The following ATP8B1 variants were observed in gnomAD, a reference collection of about 807,000 sequenced individuals.
The protein encoded by ATP8B1 is ATPase phospholipid transporting 8B1, also known as phospholipid-transporting ATPase IC.
A neutral mutation model predicts 149.9 loss-of-function variants in ATP8B1; 80 were observed. The observed-to-expected ratio is 0.53, with a 90% CI of 0.45 to 0.64. The LOEUF is 0.64. Ranked by LOEUF, ATP8B1 falls within the 30% of genes least tolerant of loss-of-function variation. ATP8B1 has a pLI of 0.00. For synonymous variants in ATP8B1, 536 were observed against 562.8 expected, an observed-to-expected ratio of 0.95 and a Z score of 0.67; for missense variants, 1,247 against 1,552.6, an observed-to-expected ratio of 0.80 and a Z score of 3.31.
At chr18:57,783,842 A>T (rs552204600) in intron 1 of ATP8B1, among the ~76,000 whole-genome samples, 24 of 152,240 alleles carry the variant, frequency 1.6e-4, no homozygotes, top group African/African-American at 5.5e-4. Flanking sequence ...CTTAAAAAAA[A>T]AATAAAAATA....
intron 8 of ATP8B1, among the ~76,000 whole-genome samples, chr18:57,696,658 A>C (rs1203415878): frequency 6.6e-6 from 1 of 151,910 alleles, no homozygotes; most frequent in Admixed American, 6.6e-5. Flanking sequence ...AAAGCAGTGT[A>C]TGCACATCTG....
At position 57,655,313 on chromosome 18, in the gene ATP8B1, C is replaced by T; in HGVS notation, c.2812G>A (p.Val938Met). 1 of 1,614,138 alleles carries T rather than the reference C, an allele frequency of 6.2e-7. No individual in the cohort carries two copies. The highest frequency in any genetic ancestry group is 1.1e-5 in the South Asian group (1 of 91,082). ...QFRYLQRLLL[V>M]HGRWSYIRMC... ...CTTATGTAAGACCATCGGCCATGCA[C>T]CAGCAGTAGCCTCTGCAGATATCGG... is the stretch of plus-strand genomic sequence containing the variant. The change falls in exon 23 of 28, where the codon GTG (valine) becomes ATG (methionine). Residue 938 changes from valine (V) to methionine (M), a missense_variant. Physicochemically the swap from Val to Met is conservative, Grantham distance 21. This residue lies in a region of ATP8B1 where 230 missense variants were observed against 356.6 expected (regional missense o/e 0.65). Transcript: ENST00000648908.
chr18:57,734,897 C>T (rs2079831171), intron 1 of ATP8B1, among the ~76,000 whole-genome samples: 1 of 152,194 alleles, frequency 6.6e-6, no homozygotes, highest in South Asian at 2.1e-4. Context: ...ACTGCATCCA[C>T]CTTTAAACAG....
intron 15 of ATP8B1, among the ~76,000 whole-genome samples, chr18:57,683,645 T>C (rs1040756810): frequency 6.6e-6 from 1 of 152,174 alleles, no homozygotes; most frequent in African/African-American, 2.4e-5. Context: ...GTAGAAAAGA[T>C]TAGTCAAGTT....
At chr18:57,717,017 G>A (rs116766392) in intron 2 of ATP8B1, among the ~76,000 whole-genome samples, 2,216 of 152,078 alleles carry the variant, frequency 0.015, 50 homozygotes, top group African/African-American at 0.049. Flanking sequence ...ATAATAAGAG[G>A]AATTTTGGAA....
chr18:57,753,936 AAAAAAAAAAAAAG>A (rs2080049332), intron 1 of ATP8B1, among the ~76,000 whole-genome samples: 1 of 67,176 alleles, frequency 1.5e-5, no homozygotes, highest in African/African-American at 6.7e-5. Context: ...TGTCTCAAAA[AAAAAAAAAAAAAG>A]AAAGAAAGAA....
chr18:57,649,190 A>ATATTTATCTATCTATC (rs1909428262), intron 27 of ATP8B1, among the ~76,000 whole-genome samples: 1 of 148,096 alleles, frequency 6.8e-6, no homozygotes, highest in Non-Finnish European at 1.5e-5. Context: ...GTGCTTGGCT[A>ATATTTATCTATCTATC]TATCTATCTA....
At chr18:57,729,061 T>C (rs927643024) in intron 2 of ATP8B1, among the ~76,000 whole-genome samples, 1 of 151,882 alleles carries the variant, frequency 6.6e-6, no homozygotes, top group Admixed American at 6.6e-5. Flanking sequence ...AGGGTAGAAA[T>C]CTACAAAACA....
chr18:57,680,324 C>T (rs554114203), intron 15 of ATP8B1, among the ~76,000 whole-genome samples: 1 of 129,048 alleles, frequency 7.7e-6, no homozygotes, highest in Non-Finnish European at 1.7e-5. Flanking sequence ...GTGGCTCACA[C>T]CTGTAATCCC....
At chr18:57,712,643 A>C (rs1162032950) in intron 2 of ATP8B1, among the ~76,000 whole-genome samples, 1 of 152,030 alleles carries the variant, frequency 6.6e-6, no homozygotes, top group Non-Finnish European at 1.5e-5. Context: ...TTGACTTAGC[A>C]GGCACATGAC....
chr18:57,713,553 C>T (rs573977490), intron 2 of ATP8B1, among the ~76,000 whole-genome samples: 1 of 149,544 alleles, frequency 6.7e-6, no homozygotes, highest in South Asian at 2.1e-4. Flanking sequence ...TGCAGTGGTG[C>T]GATCTCAGCT....
intron 15 of ATP8B1, among the ~76,000 whole-genome samples, chr18:57,681,472 C>G (rs1029654798): frequency 2.0e-5 from 3 of 152,152 alleles, no homozygotes; most frequent in African/African-American, 7.2e-5. Flanking sequence ...TTTTCAGTAG[C>G]TGAGTTACAC....
chr18:57,728,372 G>C (rs1235328345), intron 2 of ATP8B1, among the ~76,000 whole-genome samples: 1 of 152,136 alleles, frequency 6.6e-6, no homozygotes, highest in African/African-American at 2.4e-5. Flanking sequence ...ATTAAAAAAA[G>C]AAAGAGAAGT....
intron 22 of ATP8B1, among the ~76,000 whole-genome samples, chr18:57,659,315 A>C (rs889911531): frequency 6.6e-6 from 1 of 152,140 alleles, no homozygotes; most frequent in African/African-American, 2.4e-5. Flanking sequence ...GCTTAATAAA[A>C]ATTTTAAGAC....
rs745500180 is a variant in ATP8B1, at chr18:57,674,241, C to CAA, written c.1819+591_1819+592dup. 5.8e-3 allele frequency among the ~76,000 whole-genome samples: 480 copies of CAA among 82,522 alleles called. 27 individuals carry two copies. In the East Asian group the frequency reaches 0.063, roughly 11 times the overall value. 54.1% of individuals were successfully genotyped at this position (82,522 alleles called of 152,430 possible). A position where few individuals can be genotyped will look rare whatever the true frequency, so the allele number is the denominator to read the frequency against. Reference sequence around the variant, plus strand: ...TGGGTGACGGAGCAAGACTCCATCTCAAAAAAAAAAAAAAAAAGAAAAGAA... The same window carrying CAA: ...TGGGTGACGGAGCAAGACTCCATCTCAAAAAAAAAAAAAAAAAAAGAAAAGAA... On this transcript the variant is annotated intron_variant, in intron 16 of 27. Coordinates refer to ENST00000648908, the MANE Select transcript of ATP8B1 (RefSeq NM_001374385.1).
At chr18:57,799,948 C>A (rs905223243) in intron 1 of ATP8B1, among the ~76,000 whole-genome samples, 1 of 151,868 alleles carries the variant, frequency 6.6e-6, no homozygotes, top group Admixed American at 6.6e-5. Context: ...TATAACCTGT[C>A]TTCTTTTTAT....
In ATP8B1 at chr18:57,647,405, A is replaced by G. The variant is rs138676107; in HGVS notation, c.*1083T>C. 1.9e-4 allele frequency: 29 copies of G among 152,320 alleles called. No homozygotes were observed. The East Asian group carries it at 5.4e-3, about 28-fold the overall frequency. The allele number at this position is 152,320 out of a possible 1,614,324, so 9.4% of individuals were successfully genotyped here. A position where few individuals can be genotyped will look rare whatever the true frequency, so the allele number is the denominator to read the frequency against. On this transcript the variant is annotated 3_prime_UTR_variant, in exon 28 of 28. Transcript: ENST00000648908. ...GATTAAATAGAATTAATAAACCAATATGAGGAAACATGAAACCATGCAATC... is the reference window on the plus strand; with the variant it reads ...GATTAAATAGAATTAATAAACCAATGTGAGGAAACATGAAACCATGCAATC...
chr18:57,677,440 G>A (rs35696783), intron 15 of ATP8B1, among the ~76,000 whole-genome samples: 13,103 of 152,158 alleles, frequency 0.086, 923 homozygotes, highest in East Asian at 0.31. Context: ...GACAGAAAGA[G>A]CATTTAGTTT....
At chr18:57,766,601 G>A (rs368148666) in intron 1 of ATP8B1, among the ~76,000 whole-genome samples, 1 of 152,178 alleles carries the variant, frequency 6.6e-6, no homozygotes, top group Non-Finnish European at 1.5e-5. Context: ...TGGGCTTGTT[G>A]AGCACAAATT....
Sources: gnomAD v4.1 joint callset for allele counts (sites outside exome capture counted in the v4.1 genomes callset) on GRCh38, gnomAD v4.1.1 for gene constraint, gnomAD v4.1.1 regional missense constraint, MANE v1.5 for transcripts, NCBI Gene and HGNC (gene_info 2026-07-23, HGNC 2026-07-21) for gene names.